PTPRQ: variants seen among roughly 807,000 people sequenced by gnomAD.
PTPRQ encodes the protein protein tyrosine phosphatase receptor type Q.
PTPRQ carries 199 observed loss-of-function variants against 246.0 expected under a neutral mutation model. That is an observed-to-expected ratio of 0.81 (90% CI 0.72 to 0.91). The LOEUF is 0.91. Among genes scored for constraint, PTPRQ ranks in the 40% least tolerant of loss-of-function variants. The pLI is 0.00. For synonymous variants in PTPRQ, 869 were observed against 853.2 expected (o/e 1.02, Z -0.32); for missense variants, 2,624 against 2,528.4 (o/e 1.04, Z -0.81).
intron 26 of PTPRQ, among the ~76,000 whole-genome samples, chr12:80,597,531 T>C (rs1898008840): frequency 6.6e-6 from 1 of 151,988 alleles, no homozygotes; most frequent in South Asian, 2.1e-4. Flanking sequence ...TGTTTCCATG[T>C]TGATTACCAG....
At chr12:80,562,943 A>G (rs1896871196) in intron 25 of PTPRQ, among the ~76,000 whole-genome samples, 1 of 152,178 alleles carries the variant, frequency 6.6e-6, no homozygotes, top group Non-Finnish European at 1.5e-5. Flanking sequence ...GACATAAAAA[A>G]AAAATAAGAG....
intron 8 of PTPRQ, among the ~76,000 whole-genome samples, chr12:80,483,911 A>G (rs1239401708): frequency 6.6e-6 from 1 of 152,008 alleles, no homozygotes; most frequent in East Asian, 1.9e-4. Context: ...AAAGGACATG[A>G]CCTCATCCTT....
At chr12:80,530,415 C>T (rs28616196) in intron 17 of PTPRQ, among the ~76,000 whole-genome samples, 2,900 of 152,208 alleles carry the variant, frequency 0.019, 90 homozygotes, top group African/African-American at 0.066. Context: ...AAAGTAGATG[C>T]TAATTACATT....
At chr12:80,550,059 A>T (rs1040909886) in intron 25 of PTPRQ, among the ~76,000 whole-genome samples, 1 of 152,106 alleles carries the variant, frequency 6.6e-6, no homozygotes, top group African/African-American at 2.4e-5. Flanking sequence ...CCTTTCATGT[A>T]TATCTCTTTT....
At chr12:80,504,866 AAAG>A (rs1234035626) in intron 14 of PTPRQ, among the ~76,000 whole-genome samples, 3 of 151,878 alleles carry the variant, frequency 2.0e-5, no homozygotes, top group Admixed American at 6.6e-5. Flanking sequence ...GGCAACAGAG[AAAG>A]AAGGTTTCCT....
intron 43 of PTPRQ, among the ~76,000 whole-genome samples, chr12:80,677,503 A>T (rs1340233646): frequency 6.6e-6 from 1 of 152,206 alleles, no homozygotes; most frequent in Non-Finnish European, 1.5e-5. Flanking sequence ...GAATTAAATG[A>T]GACTAAGTCA....
chr12:80,582,390 T>A (rs1897469829), intron 25 of PTPRQ, among the ~76,000 whole-genome samples: 1 of 152,096 alleles, frequency 6.6e-6, no homozygotes, highest in African/African-American at 2.4e-5. Context: ...AATGTTTATT[T>A]CCCCCCTAGA....
intron 36 of PTPRQ, among the ~76,000 whole-genome samples, chr12:80,649,251 TTCTG>T (rs940180051): frequency 3.9e-5 from 6 of 152,130 alleles, no homozygotes; most frequent in Non-Finnish European, 8.8e-5. Flanking sequence ...ATAAAATGTT[TTCTG>T]TCTGACAAAG....
intron 3 of PTPRQ, among the ~76,000 whole-genome samples, chr12:80,448,152 C>A (rs1158682979): frequency 5.9e-5 from 9 of 151,720 alleles, no homozygotes. Flanking sequence ...TTGTGGCTAT[C>A]GTAAATGGGA....
At chr12:80,452,955 C>G (rs57814907) in intron 3 of PTPRQ, among the ~76,000 whole-genome samples, 28,308 of 152,118 alleles carry the variant, frequency 0.19, 2,834 homozygotes, top group Non-Finnish European at 0.22. Flanking sequence ...ATATCCTGCA[C>G]AGTGTTTTCC....
intron 13 of PTPRQ, 51 bp from the exon 14 acceptor site, chr12:80,496,199 A>G: frequency 6.5e-7 from 1 of 1,542,050 alleles, no homozygotes; most frequent in Non-Finnish European, 8.7e-7. Context: ...GTCTAAAGCA[A>G]CAAACATCAA....
chr12:80,534,260 A>T, intron 18 of PTPRQ, 85 bp downstream of exon 18: 1 of 1,314,822 alleles, frequency 7.6e-7, no homozygotes, highest in Non-Finnish European at 1.0e-6. Flanking sequence ...CAAATATCAA[A>T]ATGTATGATG....
At chr12:80,578,863 C>T (rs1315895510) in intron 25 of PTPRQ, among the ~76,000 whole-genome samples, 3 of 151,916 alleles carry the variant, frequency 2.0e-5, no homozygotes, top group African/African-American at 4.8e-5. Flanking sequence ...TCTTTATTTG[C>T]GATAACAAAG....
intron 25 of PTPRQ, chr12:80,583,533 G>A (rs1380060724): frequency 2.0e-5 from 3 of 152,094 alleles, no homozygotes; most frequent in Admixed American, 6.6e-5. Flanking sequence ...AGAGCTATCT[G>A]AAAATGAATT....
intron 33 of PTPRQ, among the ~76,000 whole-genome samples, chr12:80,622,993 A>G (rs11114531): frequency 0.18 from 27,310 of 151,960 alleles, 2,968 homozygotes; most frequent in Non-Finnish European, 0.25. Flanking sequence ...AACATTCTAC[A>G]TTGTTTGTGC....
At chr12:80,517,351 T>C (rs1895336503) in intron 17 of PTPRQ, among the ~76,000 whole-genome samples, 1 of 152,144 alleles carries the variant, frequency 6.6e-6, no homozygotes, top group Non-Finnish European at 1.5e-5. Context: ...CACCCTCTTA[T>C]TTCATTTTAT....
intron 19 of PTPRQ, among the ~76,000 whole-genome samples, chr12:80,536,064 G>C (rs141613874): frequency 0.021 from 3,173 of 152,294 alleles, 37 homozygotes; most frequent in Non-Finnish European, 0.035. Context: ...CTGAGATCCC[G>C]CCACTGCACT....
At chr12:80,634,869 T>A (rs1899582153) in intron 34 of PTPRQ, 76 bp from the exon 35 acceptor site, 2 of 1,509,194 alleles carry the variant, frequency 1.3e-6, no homozygotes, top group Admixed American at 4.5e-5. Flanking sequence ...ATGTCTTTAC[T>A]TAAAAAGAAA....
chr12:80,613,798 C>T lies in PTPRQ; in HGVS notation c.5125C>T (p.Leu1709=), dbSNP rs574325862. ...QKTNTFVIAM[L]EGLKGGHTYN... is the part of the protein sequence containing the mutation. ...AACCAACACATTCGTCATTGCAATGCTAGAAGGACTAAAAGGTGGACATAC... is the reference window on the plus strand; with the variant it reads ...AACCAACACATTCGTCATTGCAATGTTAGAAGGACTAAAAGGTGGACATAC... The change falls in exon 29 of 45, where the codon CTA becomes TTA. Residue 1709 remains leucine (L), a synonymous_variant. Transcript: ENST00000644991. 8 of 1,540,860 alleles carry T rather than the reference C, an allele frequency of 5.2e-6. No homozygotes were observed. Among genetic ancestry groups the T allele is most frequent in the Non-Finnish European group, 5.3e-6 (6 of 1,140,774 alleles).
Sources: allele counts gnomAD v4.1 joint callset (sites outside exome capture counted in the v4.1 genomes callset), GRCh38; gene constraint gnomAD v4.1.1; transcripts MANE v1.5; gene names NCBI Gene and HGNC (gene_info 2026-07-23, HGNC 2026-07-21).